The following ATP10B variants were observed in gnomAD, a reference collection of about 807,000 sequenced individuals.
ATP10B encodes ATPase phospholipid transporting 10B (putative).
ATP10B carries 122 observed loss-of-function variants against 141.2 expected under a neutral mutation model. That is an observed-to-expected ratio of 0.86 (90% confidence interval 0.75 to 1.00). ATP10B has a LOEUF of 1.00. ATP10B is among the 50% of genes least tolerant of loss of function. The pLI, the probability that ATP10B is intolerant of heterozygous loss-of-function variation, is 0.00. For missense variants in ATP10B, 1,876 were observed against 1,825.3 expected (o/e 1.03, Z -0.51); for synonymous variants, 685 against 692.0 (o/e 0.99, Z 0.16).
At chr5:160,704,231 A>G (rs1033228182) in intron 3 of ATP10B, among the ~76,000 whole-genome samples, 1 of 150,808 alleles carries the variant, frequency 6.6e-6, no homozygotes, top group Non-Finnish European at 1.5e-5. Context: ...TTTTTTTATT[A>G]TTATTGTTCG....
intron 6 of ATP10B, among the ~76,000 whole-genome samples, chr5:160,683,046 A>ACCCC (rs1561748531): frequency 2.0e-5 from 3 of 146,360 alleles, no homozygotes; most frequent in African/African-American, 7.9e-5. Flanking sequence ...CCCCCAAAAA[A>ACCCC]AAAAAAAAAA....
At chr5:160,877,770 G>A in the ATP10B span, among the ~76,000 whole-genome samples, 1 of 117,120 alleles carries the variant, frequency 8.5e-6, no homozygotes, top group Non-Finnish European at 2.0e-5. Flanking sequence ...AATCATGAGT[G>A]AACTCCCATT....
intron 8 of ATP10B, among the ~76,000 whole-genome samples, chr5:160,644,778 A>G (rs1475968105): frequency 6.6e-6 from 1 of 152,150 alleles, no homozygotes; most frequent in Non-Finnish European, 1.5e-5. Flanking sequence ...CTCATGAATA[A>G]TCCACCCTTT....
At chr5:160,865,223 G>A in the ATP10B span, among the ~76,000 whole-genome samples, 7 of 152,046 alleles carry the variant, frequency 4.6e-5, no homozygotes, top group African/African-American at 1.7e-4. Context: ...TAAGAAAATA[G>A]GCATATAGAC....
At chr5:160,657,502 G>A (rs1034242401) in intron 7 of ATP10B, among the ~76,000 whole-genome samples, 1 of 152,192 alleles carries the variant, frequency 6.6e-6, no homozygotes, top group African/African-American at 2.4e-5. Context: ...AAAGCAGGCA[G>A]ATTGGGCTGG....
chr5:160,840,126 G>A (rs1222657460), intron 1 of ATP10B, among the ~76,000 whole-genome samples: 1 of 151,864 alleles, frequency 6.6e-6, no homozygotes, highest in Non-Finnish European at 1.5e-5. Context: ...TCTTGTTTAG[G>A]ATGTCTCAAC....
the ATP10B span, among the ~76,000 whole-genome samples, chr5:160,860,607 C>G: frequency 6.6e-6 from 1 of 152,040 alleles, no homozygotes; most frequent in South Asian, 2.1e-4. Flanking sequence ...GGGGCATGAA[C>G]AGACTCAGCT....
At chr5:160,850,841 G>A (rs776684905) in intron 1 of ATP10B, among the ~76,000 whole-genome samples, 14 of 152,208 alleles carry the variant, frequency 9.2e-5, no homozygotes, top group Non-Finnish European at 2.1e-4. Context: ...TAATTAGGCT[G>A]TAAGAAATGA....
At chr5:160,612,658 C>A in intron 18 of ATP10B, 83 bp downstream of exon 18, 1 of 1,291,102 alleles carries the variant, frequency 7.7e-7, no homozygotes, top group Admixed American at 2.1e-5. Context: ...ACCCAAATCC[C>A]ACCTAGAAGC....
intron 6 of ATP10B, among the ~76,000 whole-genome samples, chr5:160,678,450 G>A (rs148162600): frequency 0.012 from 1,808 of 152,328 alleles, 26 homozygotes; most frequent in African/African-American, 0.04. Context: ...CTTGAGGCCA[G>A]GAGTTTGAGA....
the ATP10B span, among the ~76,000 whole-genome samples, chr5:160,927,176 A>G: frequency 2.0e-5 from 3 of 152,204 alleles, no homozygotes; most frequent in Admixed American, 6.5e-5. Context: ...GCCTCTTCCC[A>G]TCTTAAAAAT....
rs145333702 is a variant in ATP10B at position 160,578,873 on chromosome 5, A to G, written c.3751-9190T>C. Among the ~76,000 whole-genome samples, 357 of 152,330 alleles carry G rather than the reference A, an allele frequency of 2.3e-3. 2 individuals are homozygous for G. The highest frequency in any genetic ancestry group is 8.3e-3 in the African/African-American group (347 of 41,586). On this transcript the variant is annotated intron_variant, in intron 24 of 25. Transcript: ENST00000327245. ...GTTTCCTGACGTTTTAATGATCGCC[A>G]TTCTAACTGGAGTGAGATGGTATTT...
At chr5:160,790,002 C>T (rs1008357577) in intron 1 of ATP10B, among the ~76,000 whole-genome samples, 19 of 152,182 alleles carry the variant, frequency 1.2e-4, no homozygotes, top group Non-Finnish European at 2.1e-4. Flanking sequence ...CTTCGAGCTT[C>T]TGTCCCAGGG....
chr5:160,827,511 CTTG>C (rs1268148633), intron 1 of ATP10B, among the ~76,000 whole-genome samples: 2 of 152,056 alleles, frequency 1.3e-5, no homozygotes, highest in Non-Finnish European at 2.9e-5. Context: ...TTGTTTCTTG[CTTG>C]TTAAGTTACA....
At chr5:160,584,894 T>C (rs1046913288) in intron 24 of ATP10B, among the ~76,000 whole-genome samples, 32 of 152,206 alleles carry the variant, frequency 2.1e-4, no homozygotes, top group Admixed American at 7.9e-4. Flanking sequence ...TACTCCATTG[T>C]CTCCTGGCTT....
intron 6 of ATP10B, among the ~76,000 whole-genome samples, chr5:160,672,018 C>T (rs1762741407): frequency 1.6e-5 from 2 of 124,012 alleles, no homozygotes; most frequent in South Asian, 5.7e-4. Context: ...GCTCTGTTGC[C>T]CAGGCTGGAG....
intron 2 of ATP10B, among the ~76,000 whole-genome samples, chr5:160,774,772 C>T (rs1271218371): frequency 6.6e-6 from 1 of 152,194 alleles, no homozygotes; most frequent in Admixed American, 6.5e-5. Flanking sequence ...TAGGCTCCAG[C>T]TGCGTCTGGC....
intron 10 of ATP10B, chr5:160,639,140 C>T (rs1220277890): frequency 1.3e-5 from 2 of 152,378 alleles, no homozygotes; most frequent in African/African-American, 4.8e-5. Flanking sequence ...TCACAGCTGC[C>T]TGCCACATCC....
intron 2 of ATP10B, among the ~76,000 whole-genome samples, chr5:160,755,947 G>A (rs1768570804): frequency 1.4e-5 from 2 of 144,892 alleles, no homozygotes; most frequent in Admixed American, 1.4e-4. Flanking sequence ...GGAGGTGCAT[G>A]ACTGCATCTA....
Sources: allele counts gnomAD v4.1 joint callset (sites outside exome capture counted in the v4.1 genomes callset), GRCh38; gene constraint gnomAD v4.1.1; transcripts MANE v1.5; gene names NCBI Gene and HGNC (gene_info 2026-07-23, HGNC 2026-07-21).